The following CMSS1 variants were observed in gnomAD, a reference collection of about 807,000 sequenced individuals.
CMSS1 encodes the protein protein CMSS1.
In CMSS1, 33 loss-of-function variants were observed where a neutral mutation model predicts 43.5. That is an observed-to-expected ratio of 0.76 (90% CI 0.57 to 1.01). CMSS1 has a LOEUF of 1.01. Among genes scored for constraint, CMSS1 ranks in the 50% least tolerant of loss-of-function variants. The pLI is 0.00. For synonymous variants in CMSS1, 115 were observed against 117.2 expected (o/e 0.98, Z 0.12); for missense variants, 313 against 326.4 (o/e 0.96, Z 0.32).
At position 99,857,142 on chromosome 3, in the gene CMSS1, A is replaced by T. The variant is rs151271767; in HGVS notation, c.64+39099A>T. Among the ~76,000 whole-genome samples the T allele has an allele frequency of 5.3e-4, 81 of 152,314 alleles. 1 individual carries two copies. Among genetic ancestry groups the T allele is most frequent in the Non-Finnish European group, 1.0e-3 (69 of 68,028 alleles). On this transcript the variant is annotated intron_variant, in intron 1 of 9. Transcript: ENST00000421999. ...TGAACAAATACTCCCTTTTGTGAAA[A>T]ATACTGTAGCACTGTCCTAAGTAGT...
intron 1 of CMSS1, among the ~76,000 whole-genome samples, chr3:99,912,341 GT>G (rs1431268649): frequency 6.6e-6 from 1 of 152,140 alleles, no homozygotes; most frequent in East Asian, 1.9e-4. Flanking sequence ...AGCGGCTGTA[GT>G]GTCACTGCTT....
Position 99,818,037 on chromosome 3 carries a change from A to T in CMSS1, c.58A>T (p.Ser20Cys). Residue 20 changes from serine (S) to cysteine (C), a missense_variant, in exon 1 of 10, where the codon AGC becomes TGC. By Grantham distance (112) the Ser-to-Cys change is moderately radical. Coordinates refer to ENST00000421999, the MANE Select transcript of CMSS1 (RefSeq NM_032359.4). ...GAACCAGCCGACTGGAGCAGGCAGC[A>T]GCCCAGGTACCCACTCTGTGCCCGC... is the stretch of plus-strand genomic sequence containing the variant. ...WENQPTGAGS[S>C]PEASDGEGEG... is the part of the protein sequence containing the mutation. 6.2e-7 allele frequency: 1 copy of T among 1,613,694 alleles called. No homozygotes were observed. Among genetic ancestry groups the T allele is most frequent in the Non-Finnish European group, 8.5e-7 (1 of 1,179,950 alleles).
chr3:99,974,576 G>A (rs1157670643), intron 1 of CMSS1, among the ~76,000 whole-genome samples: 1 of 152,086 alleles, frequency 6.6e-6, no homozygotes, highest in African/African-American at 2.4e-5. Flanking sequence ...GGGTGGTGGT[G>A]TGTGCCTGTA....
intron 1 of CMSS1, among the ~76,000 whole-genome samples, chr3:99,890,782 A>G (rs1706059601): frequency 6.6e-6 from 1 of 151,980 alleles, no homozygotes; most frequent in Non-Finnish European, 1.5e-5. Context: ...GATTATTTAA[A>G]TATCTGAGGT....
At position 100,083,066 on chromosome 3, in the gene CMSS1, C is replaced by T. The variant is rs542213784; in HGVS notation, c.65-63907C>T. On this transcript the variant is annotated intron_variant, in intron 1 of 9. Transcript: ENST00000421999. ...TATTTATGAAATTACAATTATTTTC[C>T]AGCAATTTCCAGGTCTAAATAAAAT... is the stretch of plus-strand genomic sequence containing the variant. Among the ~76,000 whole-genome samples, 9 of 152,214 alleles carry T rather than the reference C, an allele frequency of 5.9e-5. No individual in the cohort carries two copies. The East Asian group carries it at 1.5e-3, about 26-fold the overall frequency.
At chr3:100,008,762 G>A (rs1710060760) in intron 1 of CMSS1, among the ~76,000 whole-genome samples, 1 of 152,200 alleles carries the variant, frequency 6.6e-6, no homozygotes, top group South Asian at 2.1e-4. Context: ...ACTAGGAGGA[G>A]TATTGTCTTG....
intron 1 of CMSS1, among the ~76,000 whole-genome samples, chr3:100,134,472 A>C (rs550058285): frequency 6.6e-6 from 1 of 152,202 alleles, no homozygotes; most frequent in Non-Finnish European, 1.5e-5. Context: ...TGGGGATCAA[A>C]TAAGTTCGAG....
intron 9 of CMSS1, among the ~76,000 whole-genome samples, chr3:100,176,710 TCTC>T (rs1045704634): frequency 2.6e-5 from 4 of 152,188 alleles, no homozygotes; most frequent in African/African-American, 7.2e-5. Flanking sequence ...GACCTGCACT[TCTC>T]CTGTGCCTTT....
chr3:100,131,060 T>C (rs2066703936), intron 1 of CMSS1, among the ~76,000 whole-genome samples: 1 of 152,212 alleles, frequency 6.6e-6, no homozygotes, highest in Non-Finnish European at 1.5e-5. Flanking sequence ...ATGACCATTT[T>C]GTGAGAATTC....
chr3:100,115,575 GTCTCTCTCTCTCTCTC>G (rs66793218), intron 1 of CMSS1, among the ~76,000 whole-genome samples: 156 of 98,014 alleles, frequency 1.6e-3, no homozygotes, highest in African/African-American at 2.9e-3. Context: ...CTCTCTCTCT[GTCTCTCTCTCTCTCTC>G]TCTCTCTCTC....
At chr3:100,022,674 G>A (rs902405328) in intron 1 of CMSS1, among the ~76,000 whole-genome samples, 12 of 152,176 alleles carry the variant, frequency 7.9e-5, no homozygotes, top group Non-Finnish European at 1.3e-4. Flanking sequence ...CATTCTGCCT[G>A]ACTCAGCTGG....
At chr3:99,967,307 A>G (rs145797433) in intron 1 of CMSS1, among the ~76,000 whole-genome samples, 1 of 152,342 alleles carries the variant, frequency 6.6e-6, no homozygotes, top group East Asian at 1.9e-4. Context: ...AGTGTTGGTA[A>G]TAATGCCTTG....
intron 1 of CMSS1, chr3:99,850,166 G>T: frequency 2.5e-6 from 4 of 1,610,504 alleles, no homozygotes; most frequent in Non-Finnish European, 3.4e-6. Context: ...ATTGTTTTCC[G>T]TTCATCTACA....
chr3:100,115,033 A>C (rs2066546299), intron 1 of CMSS1: 2 of 1,388,326 alleles, frequency 1.4e-6, no homozygotes, highest in Admixed American at 2.0e-5. Context: ...ATTTTGTTTT[A>C]TATTATTCAA....
chr3:99,942,531 T>A (rs1707880253), intron 1 of CMSS1, among the ~76,000 whole-genome samples: 1 of 152,188 alleles, frequency 6.6e-6, no homozygotes, highest in African/African-American at 2.4e-5. Context: ...TACATAAACA[T>A]TTTAAGAAGT....
At chr3:99,832,135 TC>T (rs911758910) in intron 1 of CMSS1, among the ~76,000 whole-genome samples, 3 of 152,192 alleles carry the variant, frequency 2.0e-5, no homozygotes, top group Admixed American at 2.0e-4. Context: ...GCTTTTGTTT[TC>T]TAGGTAACTC....
intron 1 of CMSS1, among the ~76,000 whole-genome samples, chr3:100,015,947 C>T (rs996533419): frequency 6.6e-6 from 1 of 152,134 alleles, no homozygotes; most frequent in African/African-American, 2.4e-5. Flanking sequence ...TAATCAAATT[C>T]ACAAAAAGAC....
At chr3:100,078,574 G>A (rs954049426) in intron 1 of CMSS1, among the ~76,000 whole-genome samples, 1 of 151,824 alleles carries the variant, frequency 6.6e-6, no homozygotes, top group Non-Finnish European at 1.5e-5. Flanking sequence ...ACCAACACTA[G>A]CGATAGCTGA....
intron 1 of CMSS1, among the ~76,000 whole-genome samples, chr3:99,860,070 G>A (rs1378289782): frequency 6.6e-6 from 1 of 152,124 alleles, no homozygotes; most frequent in Non-Finnish European, 1.5e-5. Context: ...GTACATCTAT[G>A]TCTGCTTTAT....
Sources: gnomAD v4.1 joint callset for allele counts (sites outside exome capture counted in the v4.1 genomes callset) on GRCh38, gnomAD v4.1.1 for gene constraint, MANE v1.5 for transcripts, NCBI Gene and HGNC (gene_info 2026-07-23, HGNC 2026-07-21) for gene names.